HUNK: variants seen among roughly 807,000 people sequenced by gnomAD.
The protein encoded by HUNK is hormonally up-regulated neu tumor-associated kinase.
Under a neutral mutation model 61.0 loss-of-function variants are expected in HUNK, and 21 were observed. The ratio of observed to expected loss-of-function variants is 0.34; its 90% confidence interval spans 0.24 to 0.50. HUNK has a LOEUF of 0.50. Ranked by LOEUF, HUNK falls within the 20% of genes least tolerant of loss-of-function variation. The probability of loss-of-function intolerance (pLI) is 0.98; values close to 1 mark genes in which losing one functional copy is unlikely to be tolerated. For missense variants in HUNK, 772 were observed against 945.7 expected, an observed-to-expected ratio of 0.82 and a Z score of 2.41; for synonymous variants, 371 against 386.1, an observed-to-expected ratio of 0.96 and a Z score of 0.46.
At chr21:31,877,786 T>A (rs1010151374) in intron 1 of HUNK, among the ~76,000 whole-genome samples, 1 of 152,162 alleles carries the variant, frequency 6.6e-6, no homozygotes, top group African/African-American at 2.4e-5. Flanking sequence ...CTGGAGTGGT[T>A]GTGCTTGCAG....
chr21:31,927,459 C>G lies in HUNK; in HGVS notation c.554+2699C>G, dbSNP rs367669753. On this transcript the variant is annotated intron_variant, in intron 2 of 10. Coordinates refer to ENST00000270112, the MANE Select transcript of HUNK (RefSeq NM_014586.2). The stretch of plus-strand genomic sequence containing the variant: ...GAGATCAAGACCATCCTGGCTAACA[C>G]AGTGAAACCCCGTCTCTACTAAAAA... 2.0e-4 allele frequency among the ~76,000 whole-genome samples: 31 copies of G among 152,060 alleles called. No individual in the cohort carries two copies. In the East Asian group the frequency reaches 4.1e-3, roughly 20 times the overall value.
At chr21:31,911,034 T>A (rs1444077874) in intron 1 of HUNK, among the ~76,000 whole-genome samples, 1 of 152,218 alleles carries the variant, frequency 6.6e-6, no homozygotes, top group Non-Finnish European at 1.5e-5. Flanking sequence ...GAAGGTCAAC[T>A]GTACAATCAC....
At position 31,924,473 on chromosome 21, in the gene HUNK, C is replaced by G; in HGVS notation, c.267C>G (p.Ala89=). 6.2e-7 allele frequency: 1 copy of G among 1,612,590 alleles called. No homozygotes were observed. Among genetic ancestry groups the G allele is most frequent in the Non-Finnish European group, 8.5e-7 (1 of 1,179,566 alleles). The change falls in exon 2 of 11, where the codon GCC becomes GCG. Residue 89 remains alanine, a synonymous_variant. Coordinates refer to ENST00000270112, the MANE Select transcript of HUNK (RefSeq NM_014586.2). The surrounding 1 kb of genome is among the most constrained non-coding windows in gnomAD (Gnocchi z 5.1). ...TGTTCTTGTTTTCTCCTTAGGTGGC[C>G]ATAAAAGTCATTGATAAGAAGAGAG... ...GLHVLTGEKV[A]IKVIDKKRAK...
intron 6 of HUNK, among the ~76,000 whole-genome samples, chr21:31,971,576 C>T (rs1451167057): frequency 6.6e-6 from 1 of 152,158 alleles, no homozygotes; most frequent in African/African-American, 2.4e-5. Context: ...AGTTTCCCAA[C>T]ATACCTAGCC....
chr21:31,886,949 T>C (rs1322082020), intron 1 of HUNK, among the ~76,000 whole-genome samples: 4 of 152,184 alleles, frequency 2.6e-5, no homozygotes, highest in Admixed American at 6.5e-5. Context: ...AAATATTTTA[T>C]GAATGGATCC....
chr21:31,967,306 G>A (rs559644640), intron 5 of HUNK, among the ~76,000 whole-genome samples: 59 of 152,210 alleles, frequency 3.9e-4, no homozygotes, highest in African/African-American at 1.3e-3. Flanking sequence ...AGCCATGATG[G>A]CACAACTGCA....
intron 4 of HUNK, among the ~76,000 whole-genome samples, chr21:31,955,577 C>G (rs890855354): frequency 2.2e-4 from 34 of 152,246 alleles, no homozygotes; most frequent in African/African-American, 7.7e-4. Context: ...GGCGATGGAG[C>G]GAGACTCCGT....
intron 1 of HUNK, among the ~76,000 whole-genome samples, chr21:31,888,883 TATATA>T (rs112136259): frequency 0.027 from 4,168 of 152,168 alleles, 187 homozygotes; most frequent in African/African-American, 0.095. Context: ...AAATATAAAT[TATATA>T]ATACTATGCT....
At chr21:31,876,117 T>C (rs1024359377) in intron 1 of HUNK, among the ~76,000 whole-genome samples, 2 of 152,184 alleles carry the variant, frequency 1.3e-5, no homozygotes, top group African/African-American at 4.8e-5. Flanking sequence ...GTTTCTTAAA[T>C]GATGAATCTC....
intron 4 of HUNK, among the ~76,000 whole-genome samples, chr21:31,953,491 C>T (rs2052866624): frequency 6.6e-6 from 1 of 152,202 alleles, no homozygotes; most frequent in Non-Finnish European, 1.5e-5. Context: ...ACCTCAGCCT[C>T]CTGAAATGCT....
Position 31,924,644 on chromosome 21 carries a change from C to T in HUNK, c.438C>T (p.Gly146=). ...YYLVMELCPG[G]NLMHKIYEKK... ...TGGTCATGGAGCTGTGCCCTGGGGG[C>T]AACCTGATGCACAAGATCTATGAGA... The change falls in exon 2 of 11, where the codon GGC becomes GGT. Residue 146 remains glycine (G), a synonymous_variant. Coordinates refer to ENST00000270112, the MANE Select transcript of HUNK (RefSeq NM_014586.2). The surrounding 1 kb of genome is among the most constrained non-coding windows in gnomAD (Gnocchi z 5.1). 6.2e-7 allele frequency: 1 copy of T among 1,614,136 alleles called. No homozygotes were observed. Among genetic ancestry groups the T allele is most frequent in the Non-Finnish European group, 8.5e-7 (1 of 1,180,014 alleles).
At position 32,000,009 on chromosome 21, in the gene HUNK, G is replaced by C. The variant is rs570369513; in HGVS notation, c.*825G>C. 6 of 397,364 alleles carry C rather than the reference G, an allele frequency of 1.5e-5. No individual in the cohort carries two copies. Among genetic ancestry groups the C allele is most frequent in the Admixed American group, 8.8e-5 (2 of 22,684 alleles). 24.6% of individuals were successfully genotyped at this position (397,364 alleles called of 1,614,324 possible). A position where few individuals can be genotyped will look rare whatever the true frequency, so the allele number is the denominator to read the frequency against. On this transcript the variant is annotated 3_prime_UTR_variant, in exon 11 of 11. Coordinates refer to ENST00000270112, the MANE Select transcript of HUNK (RefSeq NM_014586.2). ...AGTGTGGAGAGCAAAAAAGCTGACT[G>C]TGGTGATTTGCTGAGTGCTGTGGCC...
chr21:31,922,535 C>T (rs565362018), intron 1 of HUNK, among the ~76,000 whole-genome samples: 6 of 151,942 alleles, frequency 3.9e-5, no homozygotes, highest in Non-Finnish European at 5.9e-5. Flanking sequence ...CCATGTTGGC[C>T]GGGCTGGTCT....
intron 4 of HUNK, among the ~76,000 whole-genome samples, chr21:31,958,149 C>A (rs958778699): frequency 3.9e-5 from 6 of 152,052 alleles, no homozygotes; most frequent in Non-Finnish European, 8.8e-5. Flanking sequence ...TTGTTGACTT[C>A]TTCCTGCCAT....
intron 4 of HUNK, among the ~76,000 whole-genome samples, chr21:31,956,989 A>G (rs997563600): frequency 1.3e-5 from 2 of 152,068 alleles, no homozygotes; most frequent in Admixed American, 6.6e-5. Flanking sequence ...CTCTCCATCC[A>G]TACAACCAGC....
chr21:31,944,564 C>T (rs1266905029), intron 3 of HUNK, among the ~76,000 whole-genome samples: 1 of 136,748 alleles, frequency 7.3e-6, no homozygotes, highest in Non-Finnish European at 1.6e-5. Context: ...TTTGTGGGGT[C>T]TATGGGTCTG....
At chr21:31,984,322 A>G (rs1458062737) in intron 8 of HUNK, among the ~76,000 whole-genome samples, 1 of 152,266 alleles carries the variant, frequency 6.6e-6, no homozygotes, top group Non-Finnish European at 1.5e-5. Context: ...TTGAATACAT[A>G]GATGGAAATA....
chr21:31,904,426 A>T (rs993059637), intron 1 of HUNK, among the ~76,000 whole-genome samples: 1 of 152,218 alleles, frequency 6.6e-6, no homozygotes, highest in Non-Finnish European at 1.5e-5. Context: ...TTTTGCAAAG[A>T]TAAGCAAGAA....
chr21:31,984,871 C>T (rs1218744678), intron 8 of HUNK, among the ~76,000 whole-genome samples: 1 of 152,184 alleles, frequency 6.6e-6, no homozygotes, highest in African/African-American at 2.4e-5. Flanking sequence ...TGAAGACATA[C>T]CCGAGACTGG....
Sources: allele counts gnomAD v4.1 joint callset (sites outside exome capture counted in the v4.1 genomes callset), GRCh38; gene constraint gnomAD v4.1.1; non-coding constraint Gnocchi (gnomAD v3.1); transcripts MANE v1.5; gene names NCBI Gene and HGNC (gene_info 2026-07-23, HGNC 2026-07-21).